The following GRIA4 variants were observed in gnomAD, a reference collection of about 807,000 sequenced individuals.
GRIA4 encodes glutamate receptor 4.
A neutral mutation model predicts 104.0 loss-of-function variants in GRIA4; 34 were observed. That is an observed-to-expected ratio of 0.33 (90% confidence interval 0.25 to 0.44). The LOEUF (loss-of-function observed/expected upper bound fraction) is 0.44, where lower values mean the gene tolerates loss of function less well. Among genes scored for constraint, GRIA4 ranks in the 20% least tolerant of loss-of-function variants. GRIA4 has a pLI of 1.00. For synonymous variants in GRIA4, 386 were observed against 381.9 expected (o/e 1.01, Z -0.13); for missense variants, 750 against 1,096.5 (o/e 0.68, Z 4.46).
intron 4 of GRIA4, among the ~76,000 whole-genome samples, chr11:105,782,076 T>C (rs910238927): frequency 8.5e-5 from 13 of 152,244 alleles, no homozygotes; most frequent in South Asian, 4.1e-4. Flanking sequence ...TACAATCAGC[T>C]CAGGGGCGAC....
intron 3 of GRIA4, among the ~76,000 whole-genome samples, chr11:105,617,646 C>T (rs1950634292): frequency 6.6e-6 from 1 of 152,076 alleles, no homozygotes; most frequent in South Asian, 2.1e-4. Context: ...AATGATACAG[C>T]AAAGGCTGAA....
At chr11:105,725,060 T>C (rs1938111219) in intron 3 of GRIA4, among the ~76,000 whole-genome samples, 1 of 152,144 alleles carries the variant, frequency 6.6e-6, no homozygotes, top group African/African-American at 2.4e-5. Flanking sequence ...TCTTCATTTA[T>C]AAAATGAGGA....
intron 3 of GRIA4, among the ~76,000 whole-genome samples, chr11:105,748,673 G>A (rs549239346): frequency 2.6e-5 from 4 of 152,016 alleles, no homozygotes; most frequent in Non-Finnish European, 5.9e-5. Flanking sequence ...ATGAGCCACC[G>A]CGCCCCGCCC....
chr11:105,881,246 T>C (rs577139862), intron 5 of GRIA4, among the ~76,000 whole-genome samples: 6 of 152,284 alleles, frequency 3.9e-5, no homozygotes, highest in Non-Finnish European at 8.8e-5. Flanking sequence ...GAATTGTATG[T>C]GGGCTGCTGG....
chr11:105,867,713 C>T (rs192490257), intron 5 of GRIA4, among the ~76,000 whole-genome samples: 41 of 152,144 alleles, frequency 2.7e-4, no homozygotes, highest in Non-Finnish European at 5.4e-4. Context: ...CCCTCAAAAA[C>T]AGAAGAGACA....
intron 3 of GRIA4, among the ~76,000 whole-genome samples, chr11:105,711,757 C>T (rs1430541989): frequency 1.3e-5 from 2 of 152,070 alleles, no homozygotes; most frequent in Non-Finnish European, 2.9e-5. Flanking sequence ...AATGTTGTGG[C>T]TACATCATTT....
At chr11:105,610,530 GC>G (rs765827077) in intron 1 of GRIA4, 102 bp downstream of exon 1, 25 of 158,022 alleles carry the variant, frequency 1.6e-4, no homozygotes, top group Non-Finnish European at 2.9e-4. Flanking sequence ...GATGCTCCGG[GC>G]TGGTGCAGGC....
intron 3 of GRIA4, among the ~76,000 whole-genome samples, chr11:105,730,221 C>T (rs1938500595): frequency 6.6e-6 from 1 of 152,118 alleles, no homozygotes; most frequent in South Asian, 2.1e-4. Context: ...TCAAAGCATT[C>T]ATATACACCA....
intron 7 of GRIA4, among the ~76,000 whole-genome samples, chr11:105,898,645 T>C (rs1481225613): frequency 6.6e-6 from 1 of 152,158 alleles, no homozygotes; most frequent in Non-Finnish European, 1.5e-5. Flanking sequence ...AGTTTACTAT[T>C]ATTATTACAG....
chr11:105,619,995 T>C (rs1950699931), intron 3 of GRIA4, among the ~76,000 whole-genome samples: 1 of 151,934 alleles, frequency 6.6e-6, no homozygotes, highest in Admixed American at 6.6e-5. Context: ...GCCTCTCGCA[T>C]TGTCATCCTA....
intron 3 of GRIA4, among the ~76,000 whole-genome samples, chr11:105,752,145 A>G (rs1390278055): frequency 1.3e-5 from 2 of 152,152 alleles, no homozygotes; most frequent in Admixed American, 1.3e-4. Context: ...TTTTGAGAAG[A>G]ATCTTTTTCT....
rs376182883 is a variant in GRIA4 at position 105,611,001 on chromosome 11, A to T, written c.4A>T (p.Arg2Trp). Residue 2 changes from arginine to tryptophan, a missense_variant, in exon 2 of 17, where the codon AGG becomes TGG. Arg to Trp is a moderately radical substitution (Grantham distance 101). Around this residue, in one of 3 missense-constraint regions of GRIA4, gnomAD observed 410 missense variants for 502.7 expected, o/e 0.82. Transcript: ENST00000282499. M[R>W]IISRQIVLLF... ...GCCAGGGAGAGGAGAAAAGAAGATG[A>T]GGATTATTTCCAGACAGATTGTCTT... 2.9e-5 allele frequency: 46 copies of T among 1,608,446 alleles called. No individual in the cohort carries two copies. Among genetic ancestry groups the T allele is most frequent in the Non-Finnish European group, 3.7e-5 (44 of 1,175,584 alleles).
intron 4 of GRIA4, among the ~76,000 whole-genome samples, chr11:105,848,240 G>A (rs116931041): frequency 0.012 from 1,784 of 152,270 alleles, 26 homozygotes; most frequent in Middle Eastern, 0.027. Flanking sequence ...AGAAGGGACA[G>A]CAGGCAGCAC....
At chr11:105,680,326 G>A (rs1952669543) in intron 3 of GRIA4, among the ~76,000 whole-genome samples, 1 of 152,036 alleles carries the variant, frequency 6.6e-6, no homozygotes, top group South Asian at 2.1e-4. Flanking sequence ...CTGGCTATAG[G>A]AGGAATAGTA....
intron 3 of GRIA4, among the ~76,000 whole-genome samples, chr11:105,623,829 A>G (rs1950816582): frequency 6.6e-6 from 1 of 151,994 alleles, no homozygotes; most frequent in Admixed American, 6.6e-5. Context: ...TATCATCCAT[A>G]TTCCCCACTA....
At chr11:105,651,732 TGGCTCA>T (rs1447411839) in intron 3 of GRIA4, among the ~76,000 whole-genome samples, 1 of 151,988 alleles carries the variant, frequency 6.6e-6, no homozygotes, top group African/African-American at 2.4e-5. Context: ...TCCATTACTT[TGGCTCA>T]ATATATAGTA....
At chr11:105,892,440 C>T (rs1317867001) in intron 6 of GRIA4, among the ~76,000 whole-genome samples, 3 of 151,994 alleles carry the variant, frequency 2.0e-5, no homozygotes, top group African/African-American at 7.2e-5. Flanking sequence ...TAAAGATGAA[C>T]TGAACCTATT....
chr11:105,893,973 T>C (rs1049271380), intron 6 of GRIA4, among the ~76,000 whole-genome samples: 1 of 152,226 alleles, frequency 6.6e-6, no homozygotes, highest in Non-Finnish European at 1.5e-5. Context: ...AAAATGAGAA[T>C]GTTACTGATG....
At chr11:105,818,435 T>C (rs1943459926) in intron 4 of GRIA4, among the ~76,000 whole-genome samples, 1 of 152,188 alleles carries the variant, frequency 6.6e-6, no homozygotes, top group South Asian at 2.1e-4. Flanking sequence ...TTCCATCCAT[T>C]ATAACCACTA....
Sources: gnomAD v4.1 joint callset for allele counts (sites outside exome capture counted in the v4.1 genomes callset) on GRCh38, gnomAD v4.1.1 for gene constraint, gnomAD v4.1.1 regional missense constraint, MANE v1.5 for transcripts, NCBI Gene and HGNC (gene_info 2026-07-23, HGNC 2026-07-21) for gene names.